CMSS1: variants seen among roughly 807,000 people sequenced by gnomAD.
CMSS1 encodes cms1 ribosomal small subunit homolog, also known as protein CMSS1.
CMSS1 carries 33 observed loss-of-function variants against 43.5 expected under a neutral mutation model. The observed-to-expected ratio is 0.76, with a 90% CI of 0.57 to 1.01. The LOEUF is 1.01. Among genes scored for constraint, CMSS1 ranks in the 50% least tolerant of loss-of-function variants. CMSS1 has a pLI of 0.00. For missense variants in CMSS1, 313 were observed against 326.4 expected, an observed-to-expected ratio of 0.96 and a Z score of 0.32; for synonymous variants, 115 against 117.2, an observed-to-expected ratio of 0.98 and a Z score of 0.12.
intron 1 of CMSS1, among the ~76,000 whole-genome samples, chr3:100,004,986 A>G (rs1333011503): frequency 6.6e-6 from 1 of 152,182 alleles, no homozygotes. Flanking sequence ...TTTGCTTGCA[A>G]TTTGAGAAAT....
chr3:100,067,918 A>G (rs532090310), intron 1 of CMSS1, among the ~76,000 whole-genome samples: 1 of 152,212 alleles, frequency 6.6e-6, no homozygotes, highest in Middle Eastern at 3.4e-3. Context: ...AGCTTTCCCT[A>G]CCCTACCACC....
rs575473560 is a variant in CMSS1 at position 100,028,362 on chromosome 3, C to A, written c.65-118611C>A. Among the ~76,000 whole-genome samples, 4 of 152,234 alleles carry A rather than the reference C, an allele frequency of 2.6e-5. No homozygotes were observed. The South Asian group carries it at 8.3e-4, about 32-fold the overall frequency. On this transcript the variant is annotated intron_variant, in intron 1 of 9. Transcript: ENST00000421999. ...ACTACTTTTGACTCTTCTTCCAGTACTGGATTCAAGATAAGCATTTAGGAG... is the reference window on the plus strand; with the variant it reads ...ACTACTTTTGACTCTTCTTCCAGTAATGGATTCAAGATAAGCATTTAGGAG...
chr3:100,031,285 G>T (rs1217674405), intron 1 of CMSS1, among the ~76,000 whole-genome samples: 1 of 152,058 alleles, frequency 6.6e-6, no homozygotes, highest in East Asian at 1.9e-4. Flanking sequence ...GGTCACAATG[G>T]AGGCCTATCT....
At chr3:100,066,347 T>C (rs1408120868) in intron 1 of CMSS1, among the ~76,000 whole-genome samples, 1 of 152,188 alleles carries the variant, frequency 6.6e-6, no homozygotes, top group African/African-American at 2.4e-5. Context: ...CACTTTTTTA[T>C]TTCTCCAGGG....
chr3:100,071,900 G>A lies in CMSS1; in HGVS notation c.65-75073G>A, dbSNP rs114219822. ...ACCCATCAACCAGGTGTCTTCAGGG[G>A]GACTTTGCCATATCAGCTAATTACA... is the stretch of plus-strand genomic sequence containing the variant. On this transcript the variant is annotated intron_variant, in intron 1 of 9. Coordinates refer to ENST00000421999, the MANE Select transcript of CMSS1 (RefSeq NM_032359.4). Among the ~76,000 whole-genome samples, 655 of 152,236 alleles carry A rather than the reference G, an allele frequency of 4.3e-3. 7 individuals are homozygous for A. The highest frequency in any genetic ancestry group is 0.015 in the African/African-American group (642 of 41,532).
At chr3:99,872,132 C>T (rs764498557) in intron 1 of CMSS1, among the ~76,000 whole-genome samples, 1 of 152,070 alleles carries the variant, frequency 6.6e-6, no homozygotes, top group Admixed American at 6.5e-5. Context: ...GGGCCCTGGC[C>T]CTACCTCTGC....
At chr3:100,045,481 AT>A (rs397938246) in intron 1 of CMSS1, among the ~76,000 whole-genome samples, 5 of 150,344 alleles carry the variant, frequency 3.3e-5, no homozygotes, top group Admixed American at 6.7e-5. Context: ...CTGTGTTAGA[AT>A]TTTTTTTTTG....
chr3:99,891,088 A>G (rs1706069343), intron 1 of CMSS1, among the ~76,000 whole-genome samples: 1 of 151,258 alleles, frequency 6.6e-6, no homozygotes, highest in South Asian at 2.1e-4. Flanking sequence ...CCCAGTTAGT[A>G]TGAATCTGCA....
At chr3:99,949,607 A>G (rs936510145) in intron 1 of CMSS1, among the ~76,000 whole-genome samples, 5 of 152,206 alleles carry the variant, frequency 3.3e-5, no homozygotes, top group Non-Finnish European at 7.3e-5. Flanking sequence ...CTGTATTTCA[A>G]AGTACTTAAT....
intron 1 of CMSS1, chr3:99,876,036 C>T: frequency 1.0e-6 from 1 of 985,388 alleles, no homozygotes; most frequent in Non-Finnish European, 1.2e-6. Context: ...GACAGCAGTG[C>T]CCCTTGGTGG....
intron 1 of CMSS1, among the ~76,000 whole-genome samples, chr3:100,107,401 T>C (rs921223534): frequency 6.6e-6 from 1 of 152,142 alleles, no homozygotes; most frequent in African/African-American, 2.4e-5. Flanking sequence ...TTCTGACACT[T>C]TGTTGGTAGA....
At chr3:100,014,895 CTTTTTTT>C (rs1233573719) in intron 1 of CMSS1, among the ~76,000 whole-genome samples, 4 of 25,004 alleles carry the variant, frequency 1.6e-4, no homozygotes, top group African/African-American at 3.5e-4. Context: ...TTCTTTCTTT[CTTTTTTT>C]TTTTTTTTTT....
At chr3:99,838,080 C>T (rs2107499045) in intron 1 of CMSS1, among the ~76,000 whole-genome samples, 1 of 152,334 alleles carries the variant, frequency 6.6e-6, no homozygotes, top group South Asian at 2.1e-4. Context: ...GATTGCCTGT[C>T]CAAGCTCATT....
At chr3:100,114,222 A>G (rs1157281231) in intron 1 of CMSS1, 1 of 151,546 alleles carries the variant, frequency 6.6e-6, no homozygotes, top group African/African-American at 2.4e-5. Flanking sequence ...GTTTGCAACC[A>G]GGGGCCAGTG....
chr3:99,909,523 A>G (rs1302916170), intron 1 of CMSS1, among the ~76,000 whole-genome samples: 1 of 152,226 alleles, frequency 6.6e-6, no homozygotes, highest in African/African-American at 2.4e-5. Flanking sequence ...TCCTGCAGAC[A>G]TAATCATTCA....
intron 1 of CMSS1, among the ~76,000 whole-genome samples, chr3:99,975,764 G>A (rs1311940843): frequency 3.3e-5 from 5 of 152,192 alleles, no homozygotes; most frequent in African/African-American, 2.4e-5. Flanking sequence ...TTCTAATAGT[G>A]ACATTCTTAC....
In CMSS1 at chr3:100,037,911, G is replaced by T. The variant is rs1434372897; in HGVS notation, c.65-109062G>T. ...CAGCCACACTAACTGGCTCTGAATC[G>T]CTTAGGTTTTCCTTTTTAATCGCTT... On this transcript the variant is annotated intron_variant, in intron 1 of 9. Transcript: ENST00000421999. 2.0e-5 allele frequency among the ~76,000 whole-genome samples: 3 copies of T among 148,042 alleles called. No individual in the cohort carries two copies. In the East Asian group the frequency reaches 5.9e-4, roughly 29 times the overall value.
intron 1 of CMSS1, among the ~76,000 whole-genome samples, chr3:99,919,044 AT>A (rs954640056): frequency 1.9e-4 from 29 of 152,150 alleles, no homozygotes; most frequent in East Asian, 9.7e-4. Flanking sequence ...CTTTCAAAAT[AT>A]TTTTTTTAAG....
chr3:100,085,083 C>T (rs1055064995), intron 1 of CMSS1, among the ~76,000 whole-genome samples: 1 of 152,184 alleles, frequency 6.6e-6, no homozygotes, highest in East Asian at 1.9e-4. Flanking sequence ...AGCCGTATCC[C>T]CTAAAGTGGT....
Sources: gnomAD v4.1 joint callset for allele counts (sites outside exome capture counted in the v4.1 genomes callset) on GRCh38, gnomAD v4.1.1 for gene constraint, MANE v1.5 for transcripts, NCBI Gene and HGNC (gene_info 2026-07-23, HGNC 2026-07-21) for gene names.